ANKRD36C: variants seen among roughly 807,000 people sequenced by gnomAD.
The protein encoded by ANKRD36C is ankyrin repeat domain-containing protein 36C.
A neutral mutation model predicts 276.4 loss-of-function variants in ANKRD36C; 61 were observed. The observed-to-expected ratio is 0.22, with a 90% CI of 0.18 to 0.27. The LOEUF (loss-of-function observed/expected upper bound fraction) is 0.27. ANKRD36C is among the 10% of genes least tolerant of loss of function. ANKRD36C has a pLI of 1.00. For missense variants in ANKRD36C, 1,447 were observed against 2,032.3 expected (o/e 0.71, Z 5.54); for synonymous variants, 483 against 680.1 (o/e 0.71, Z 4.51).
chr2:95,927,402 A>C (rs1442960021), exon 27 of ANKRD36C: 1 of 1,606,048 alleles, frequency 6.2e-7, no homozygotes, highest in African/African-American at 1.3e-5. Context: ...GTTGTTTCTG[A>C]GAAGACACTG....
chr2:95,908,660 T>C lies in ANKRD36C; in HGVS notation c.2653+3584A>G. On this transcript the variant is annotated intron_variant, in intron 42 of 66. Coordinates refer to ENST00000456556, the Ensembl canonical transcript of ANKRD36C. ...TACTAGTTCACAACATAAATGACAG[T>C]TTCATTACCTTCAAGCCTGGTGGTT... 1 of 1,563,452 alleles carries C rather than the reference T, an allele frequency of 6.4e-7. No individual in the cohort carries two copies. The highest frequency in any genetic ancestry group is 2.4e-5 in the East Asian group (1 of 42,416).
At chr2:95,865,659 T>G (rs1274039249) in intron 60 of ANKRD36C, among the ~76,000 whole-genome samples, 2 of 152,260 alleles carry the variant, frequency 1.3e-5, no homozygotes, top group Non-Finnish European at 2.9e-5. Context: ...TTTTAAACAA[T>G]ACTTTTAATA....
At chr2:95,931,733 G>T (rs898173894) in intron 24 of ANKRD36C, among the ~76,000 whole-genome samples, 1 of 148,574 alleles carries the variant, frequency 6.7e-6, no homozygotes, top group Non-Finnish European at 1.5e-5. Flanking sequence ...ATCCTTACTA[G>T]ATCCAAGAAG....
intron 48 of ANKRD36C, among the ~76,000 whole-genome samples, chr2:95,888,734 C>T (rs1431487651): frequency 2.6e-5 from 4 of 151,590 alleles, no homozygotes; most frequent in Admixed American, 6.6e-5. Flanking sequence ...TTTCTTGTAT[C>T]CACTCGTTTA....
At chr2:95,913,857 C>T (rs1677007885) in intron 40 of ANKRD36C, among the ~76,000 whole-genome samples, 1 of 151,456 alleles carries the variant, frequency 6.6e-6, no homozygotes, top group South Asian at 2.1e-4. Flanking sequence ...CCCAGAGCCC[C>T]TTATGCCTTG....
At chr2:95,987,583 T>G (rs1306413838) in intron 1 of ANKRD36C, among the ~76,000 whole-genome samples, 2 of 150,860 alleles carry the variant, frequency 1.3e-5, no homozygotes, top group Non-Finnish European at 2.9e-5. Context: ...CAATAATTTT[T>G]AGATATTACT....
intron 61 of ANKRD36C, among the ~76,000 whole-genome samples, chr2:95,859,531 G>A (rs1266458458): frequency 6.6e-6 from 1 of 152,080 alleles, no homozygotes; most frequent in African/African-American, 2.4e-5. Context: ...AGAAAACTAT[G>A]TGTATATAAA....
At chr2:95,946,156 G>GAAAAAAAAAAAA (rs56964568) in intron 17 of ANKRD36C, among the ~76,000 whole-genome samples, 49 of 73,296 alleles carry the variant, frequency 6.7e-4, no homozygotes, top group African/African-American at 1.1e-3. Flanking sequence ...ACAGAGAGAG[G>GAAAAAAAAAAAA]AAAAAAAAAA....
chr2:95,892,632 A>G lies in ANKRD36C; in HGVS notation c.2756-772T>C, dbSNP rs1676407223. Among the ~76,000 whole-genome samples, 3 of 151,694 alleles carry G rather than the reference A, an allele frequency of 2.0e-5. No individual in the cohort carries two copies. The South Asian group carries it at 6.2e-4, about 31-fold the overall frequency. The stretch of plus-strand genomic sequence containing the variant: ...TTAGATATTGACCAGTTATTCATTC[A>G]GAAATCACTGCAATATTCACTATAA... On this transcript the variant is annotated intron_variant, in intron 44 of 66. Transcript: ENST00000456556.
intron 15 of ANKRD36C, among the ~76,000 whole-genome samples, chr2:95,951,095 A>G (rs200739561): frequency 3.8e-3 from 526 of 138,886 alleles, no homozygotes; most frequent in East Asian, 0.023. Context: ...CAACATGGTG[A>G]AACTCCAAAT....
At chr2:95,933,165 C>T (rs1352276641) in intron 24 of ANKRD36C, among the ~76,000 whole-genome samples, 1 of 152,276 alleles carries the variant, frequency 6.6e-6, no homozygotes, top group Non-Finnish European at 1.5e-5. Context: ...GTAGCTGTAC[C>T]ATGCTGTTTT....
chr2:95,856,042 C>G (rs778123821), exon 63 of ANKRD36C: 2 of 1,608,238 alleles, frequency 1.2e-6, no homozygotes, highest in Non-Finnish European at 1.7e-6. Flanking sequence ...TTTCTTTTCA[C>G]AATTTCAAAG....
At chr2:95,886,896 C>T (rs1351119748) in intron 50 of ANKRD36C, among the ~76,000 whole-genome samples, 1 of 151,570 alleles carries the variant, frequency 6.6e-6, no homozygotes, top group Non-Finnish European at 1.5e-5. Flanking sequence ...TTCATCCACT[C>T]GTGGCAACAA....
intron 1 of ANKRD36C, among the ~76,000 whole-genome samples, chr2:95,987,625 T>TC (rs1209144903): frequency 1.4e-5 from 2 of 141,396 alleles, no homozygotes; most frequent in Admixed American, 7.0e-5. Context: ...TTTTTTTTTT[T>TC]TTTTTTTGAG....
chr2:95,895,539 A>T, intron 44 of ANKRD36C, 23 bp downstream of exon 61: 1 of 1,511,526 alleles, frequency 6.6e-7, no homozygotes, highest in Middle Eastern at 2.4e-4. Context: ...ACTAGCTCAC[A>T]ATATAAATGA....
chr2:95,888,262 C>T lies in ANKRD36C; in HGVS notation c.2960-142G>A. The T allele has an allele frequency of 2.1e-6, 3 of 1,453,682 alleles. No individual in the cohort carries two copies. In the South Asian group the frequency reaches 3.6e-5, roughly 18 times the overall value. 90.0% of individuals were successfully genotyped at this position (1,453,682 alleles called of 1,614,324 possible). A position where few individuals can be genotyped will look rare whatever the true frequency, so the allele number is the denominator to read the frequency against. Reference sequence around the variant, plus strand: ...ATGTTTTCTACTTTGTGACTGGGGACTGGAATATGACAGAAATACACTGAA... The same window carrying T: ...ATGTTTTCTACTTTGTGACTGGGGATTGGAATATGACAGAAATACACTGAA... On this transcript the variant is annotated intron_variant, in intron 48 of 66. Transcript: ENST00000456556.
chr2:95,884,406 C>G (rs375580710), intron 52 of ANKRD36C, 38 bp from the exon 73 acceptor site: 16 of 1,609,970 alleles, frequency 9.9e-6, no homozygotes, highest in African/African-American at 2.7e-5. Flanking sequence ...CCCACATGCA[C>G]GTATGATAAA....
intron 24 of ANKRD36C, among the ~76,000 whole-genome samples, chr2:95,930,856 C>T (rs72933803): frequency 2.0e-5 from 3 of 151,098 alleles, no homozygotes; most frequent in Non-Finnish European, 3.0e-5. Flanking sequence ...CTGATGTGAA[C>T]GAAGCATGTA....
At chr2:95,982,803 A>C (rs1364424565) in intron 3 of ANKRD36C, among the ~76,000 whole-genome samples, 1 of 117,072 alleles carries the variant, frequency 8.5e-6, no homozygotes, top group African/African-American at 3.3e-5. Flanking sequence ...GTGTTTCTTA[A>C]ACTATTAATA....
Sources: allele counts gnomAD v4.1 joint callset (sites outside exome capture counted in the v4.1 genomes callset), GRCh38; gene constraint gnomAD v4.1.1; transcripts MANE v1.5; gene names NCBI Gene and HGNC (gene_info 2026-07-23, HGNC 2026-07-21).